Variants in PPP4R2 observed in about 807,000 individuals in gnomAD.
The protein encoded by PPP4R2 is protein phosphatase 4 regulatory subunit 2, also known as serine/threonine-protein phosphatase 4 regulatory subunit 2.
Under a neutral mutation model 47.2 loss-of-function variants are expected in PPP4R2, and 13 were observed. That is an observed-to-expected ratio of 0.28 (90% confidence interval 0.18 to 0.44). PPP4R2 has a LOEUF of 0.44. Among genes scored for constraint, PPP4R2 ranks in the 20% least tolerant of loss-of-function variants. The pLI, the probability that PPP4R2 is intolerant of heterozygous loss-of-function variation, is 1.00. For missense variants in PPP4R2, 421 were observed against 491.2 expected, an observed-to-expected ratio of 0.86 and a Z score of 1.35; for synonymous variants, 151 against 163.3, an observed-to-expected ratio of 0.92 and a Z score of 0.57.
At chr3:73,031,565 GA>G (rs1702164629) in intron 2 of PPP4R2, among the ~76,000 whole-genome samples, 1 of 151,882 alleles carries the variant, frequency 6.6e-6, no homozygotes, top group Non-Finnish European at 1.5e-5. Context: ...AAAAAAGAAA[GA>G]AATATTTCAT....
chr3:73,048,357 A>G (rs892304396), intron 3 of PPP4R2, among the ~76,000 whole-genome samples: 1 of 152,098 alleles, frequency 6.6e-6, no homozygotes, highest in South Asian at 2.1e-4. Context: ...GGTTCAAGCA[A>G]TTCTGCCTCA....
intron 2 of PPP4R2, among the ~76,000 whole-genome samples, chr3:72,999,092 A>G (rs1701409290): frequency 6.6e-6 from 1 of 152,170 alleles, no homozygotes; most frequent in Non-Finnish European, 1.5e-5. Context: ...TTTTAGAAAG[A>G]AAAAAACCTT....
chr3:73,039,240 C>T (rs1702327612), intron 2 of PPP4R2, among the ~76,000 whole-genome samples: 1 of 152,188 alleles, frequency 6.6e-6, no homozygotes, highest in African/African-American at 2.4e-5. Context: ...TCTCCTGCCT[C>T]AGCCTCCTGA....
chr3:73,019,518 C>T (rs936640741), intron 2 of PPP4R2, among the ~76,000 whole-genome samples: 4 of 152,126 alleles, frequency 2.6e-5, no homozygotes, highest in African/African-American at 4.8e-5. Flanking sequence ...GGATTATAGG[C>T]ATGTGCCACC....
chr3:73,062,561 G>T lies in PPP4R2; in HGVS notation c.420-1112G>T. 3 of 1,613,946 alleles carry T rather than the reference G, an allele frequency of 1.9e-6. No homozygotes were observed. The highest frequency in any genetic ancestry group is 2.5e-6 in the Non-Finnish European group (3 of 1,179,876). On this transcript the variant is annotated intron_variant, in intron 5 of 8. Transcript: ENST00000356692. The stretch of plus-strand genomic sequence containing the variant: ...TGGTTGGGAATGAGAACGAGGAAAG[G>T]GGTACTCCTTATGCTAGCAGATTCA...
chr3:73,043,892 A>G (rs1035327387), intron 2 of PPP4R2, among the ~76,000 whole-genome samples: 2 of 152,238 alleles, frequency 1.3e-5, no homozygotes, highest in Admixed American at 6.5e-5. Context: ...GAAACATTGT[A>G]CACATTAAAG....
At chr3:73,028,426 C>T (rs1702108882) in intron 2 of PPP4R2, among the ~76,000 whole-genome samples, 1 of 151,842 alleles carries the variant, frequency 6.6e-6, no homozygotes, top group Non-Finnish European at 1.5e-5. Flanking sequence ...AGGGAGTCAG[C>T]CGTGCAATAT....
intron 2 of PPP4R2, among the ~76,000 whole-genome samples, chr3:73,011,653 G>A (rs181073770): frequency 1.4e-4 from 21 of 152,144 alleles, no homozygotes; most frequent in Non-Finnish European, 2.5e-4. Flanking sequence ...GATGACTGAT[G>A]TACCCTTAAC....
chr3:73,027,392 C>G (rs958912967), intron 2 of PPP4R2, among the ~76,000 whole-genome samples: 1 of 152,224 alleles, frequency 6.6e-6, no homozygotes, highest in Non-Finnish European at 1.5e-5. Context: ...TCCTAAAGTG[C>G]TGGGATTACA....
At chr3:73,059,289 T>C (rs1179651377) in intron 4 of PPP4R2, among the ~76,000 whole-genome samples, 159 bp downstream of exon 4, 1 of 152,230 alleles carries the variant, frequency 6.6e-6, no homozygotes, top group Non-Finnish European at 1.5e-5. Context: ...GCATTCTGTT[T>C]TACAGAGAGA....
chr3:73,008,525 G>A (rs1044953165), intron 2 of PPP4R2, among the ~76,000 whole-genome samples: 3 of 152,154 alleles, frequency 2.0e-5, no homozygotes, highest in East Asian at 1.9e-4. Context: ...TTGCATGTGA[G>A]TTAGCATGTG....
intron 3 of PPP4R2, among the ~76,000 whole-genome samples, chr3:73,050,383 T>C (rs1702585729): frequency 6.6e-6 from 1 of 152,040 alleles, no homozygotes; most frequent in African/African-American, 2.4e-5. Flanking sequence ...TAATTTACTC[T>C]TTTTTTGTCT....
intron 2 of PPP4R2, among the ~76,000 whole-genome samples, chr3:73,018,466 G>GTTATGTTTGTTATGTTATGTTATT (rs1553646475): frequency 1.5e-5 from 1 of 68,748 alleles, no homozygotes; most frequent in Non-Finnish European, 3.1e-5. Flanking sequence ...TGTTATGTTA[G>GTTATGTTTGTTATGTTATGTTATT]TATCCGAAAC....
chr3:73,061,002 C>T, intron 4 of PPP4R2, 21 bp from the exon 5 acceptor site: 1 of 1,532,366 alleles, frequency 6.5e-7, no homozygotes, highest in East Asian at 2.3e-5. Context: ...CATACTAAAT[C>T]ACTGATTTTT....
At chr3:73,012,422 C>T (rs1269055515) in intron 2 of PPP4R2, among the ~76,000 whole-genome samples, 1 of 152,142 alleles carries the variant, frequency 6.6e-6, no homozygotes, top group Non-Finnish European at 1.5e-5. Flanking sequence ...GCCTCAGCCT[C>T]CCGCTTAGCT....
chr3:73,013,965 C>T (rs1701775298), intron 2 of PPP4R2, among the ~76,000 whole-genome samples: 1 of 133,380 alleles, frequency 7.5e-6, no homozygotes, highest in South Asian at 2.3e-4. Flanking sequence ...CTTACCAAAA[C>T]ACAAAAATTT....
At chr3:73,029,031 G>A (rs544702173) in intron 2 of PPP4R2, among the ~76,000 whole-genome samples, 2 of 152,226 alleles carry the variant, frequency 1.3e-5, no homozygotes, top group East Asian at 1.9e-4. Context: ...CTGCAGCCTC[G>A]AACTCCTGGG....
chr3:72,996,932 A>C lies in PPP4R2; in HGVS notation c.-106A>C. 1 of 766,808 alleles carries C rather than the reference A, an allele frequency of 1.3e-6. No homozygotes were observed. The highest frequency in any genetic ancestry group is 1.8e-6 in the Non-Finnish European group (1 of 552,810). The allele number at this position is 766,808 out of a possible 1,614,324, so 47.5% of individuals were successfully genotyped here. The stretch of plus-strand genomic sequence containing the variant: ...CCCCCCCCGGTCGCCTGCGTGCCGG[A>C]GTGTGTGCGAGGGAGGGGGAGGGCG... On this transcript the variant is annotated 5_prime_UTR_variant, in exon 1 of 9. Coordinates refer to ENST00000356692, the MANE Select transcript of PPP4R2 (RefSeq NM_174907.4).
At chr3:73,036,711 G>C (rs1011441669) in intron 2 of PPP4R2, among the ~76,000 whole-genome samples, 2 of 152,066 alleles carry the variant, frequency 1.3e-5, no homozygotes, top group African/African-American at 4.8e-5. Flanking sequence ...GAAAGTATGA[G>C]ATACATTCCA....
Sources: gnomAD v4.1 joint callset for allele counts (sites outside exome capture counted in the v4.1 genomes callset) on GRCh38, gnomAD v4.1.1 for gene constraint, MANE v1.5 for transcripts, NCBI Gene and HGNC (gene_info 2026-07-23, HGNC 2026-07-21) for gene names.